TAF6: variants seen among roughly 807,000 people sequenced by gnomAD.
The protein encoded by TAF6 is TATA-box binding protein associated factor 6.
TAF6 carries 50 observed loss-of-function variants against 73.5 expected under a neutral mutation model. The ratio of observed to expected loss-of-function variants is 0.68; its 90% CI spans 0.54 to 0.86. The LOEUF (loss-of-function observed/expected upper bound fraction) is 0.86, where lower values mean the gene tolerates loss of function less well. Among genes scored for constraint, TAF6 ranks in the 40% least tolerant of loss-of-function variants. TAF6 has a pLI of 0.00. For synonymous variants in TAF6, 424 were observed against 376.7 expected, an observed-to-expected ratio of 1.13 and a Z score of -1.45; for missense variants, 768 against 899.5, an observed-to-expected ratio of 0.85 and a Z score of 1.87.
chr7:100,114,584 G>C (rs989004754), intron 1 of TAF6: 3 of 566,784 alleles, frequency 5.3e-6, no homozygotes, highest in Non-Finnish European at 9.4e-6. Flanking sequence ...GCAGGGCGTG[G>C]TAGTGCACAC....
chr7:100,124,886 T>C, the TAF6 span: 16 of 1,588,526 alleles, frequency 1.0e-5, no homozygotes, highest in Admixed American at 2.3e-4. Flanking sequence ...AGAAGATCTT[T>C]GACCCTTGCC....
chr7:100,107,204 A>ACGTGTGTACG lies in TAF6; in HGVS notation c.*41_*42insCGTACACACG, dbSNP rs1562915554. ...CATGTGTGTACGTGCACGTGTGTAC[A>ACGTGTGTACG]TGTCTGCATGTGTGGGAATCCGGGG... On this transcript the variant is annotated 3_prime_UTR_variant, in exon 15 of 15. Coordinates refer to ENST00000453269, the MANE Select transcript of TAF6 (RefSeq NM_139315.3). 3.3e-6 allele frequency: 5 copies of ACGTGTGTACG among 1,518,604 alleles called. No individual in the cohort carries two copies. The highest frequency in any genetic ancestry group is 4.4e-6 in the Non-Finnish European group (5 of 1,136,236). 94.1% of individuals were successfully genotyped at this position (1,518,604 alleles called of 1,614,324 possible).
chr7:100,116,546 GA>G (rs1797688341), intron 1 of TAF6: 1 of 152,000 alleles, frequency 6.6e-6, no homozygotes, highest in African/African-American at 2.4e-5. Flanking sequence ...GGCTGAGGCA[GA>G]AGAATCACTC....
intron 1 of TAF6, 82 bp from the exon 2 acceptor site, chr7:100,114,350 A>G (rs765274918): frequency 1.5e-5 from 21 of 1,378,824 alleles, no homozygotes; most frequent in Non-Finnish European, 2.0e-5. Context: ...CAGTGGAGAC[A>G]GGGGAGGAAC....
At chr7:100,110,588 G>A (rs1172159207) in intron 10 of TAF6, among the ~76,000 whole-genome samples, 1 of 152,228 alleles carries the variant, frequency 6.6e-6, no homozygotes, top group East Asian at 1.9e-4. Context: ...AAGGCAGGCA[G>A]ATCACCTGAG....
At chr7:100,121,858 G>A (rs954421943), upstream of TAF6, among the ~76,000 whole-genome samples, 12 of 150,946 alleles carry the variant, frequency 7.9e-5, no homozygotes, top group East Asian at 1.6e-3. Context: ...AGACCATCCT[G>A]GCTAACACGG....
At position 100,112,933 on chromosome 7, in the gene TAF6, G is replaced by C; in HGVS notation, c.455-16C>G. ...TCTTTGGGAGCTGGTGGGAAAGCAG[G>C]CACAGCGGGAGGGGTGATGAGCATA... is the stretch of plus-strand genomic sequence containing the variant. On this transcript the variant is annotated splice_polypyrimidine_tract_variant and intron_variant, in intron 5 of 14. Coordinates refer to ENST00000453269, the MANE Select transcript of TAF6 (RefSeq NM_139315.3). The C allele has an allele frequency of 6.2e-7, 1 of 1,608,042 alleles. No individual in the cohort carries two copies.
chr7:100,124,614 T>C (rs1231405852), upstream of TAF6: 3 of 1,613,356 alleles, frequency 1.9e-6, no homozygotes, highest in East Asian at 2.2e-5. Context: ...GGTCATGTGC[T>C]CCCAGCTGCT....
the TAF6 span, chr7:100,126,681 C>A: frequency 6.6e-6 from 1 of 152,274 alleles, no homozygotes; most frequent in Non-Finnish European, 1.5e-5. Context: ...TGGTGGTGCG[C>A]ATCTGTGGTC....
At chr7:100,119,515 A>C (rs1416151022), upstream of TAF6, 9 of 1,337,340 alleles carry the variant, frequency 6.7e-6, no homozygotes, top group African/African-American at 3.0e-5. Flanking sequence ...TAATTACTGC[A>C]ATTTATTCCT....
intron 2 of TAF6, 42 bp downstream of exon 2, chr7:100,114,012 G>A: frequency 6.2e-7 from 1 of 1,614,032 alleles, no homozygotes; most frequent in Non-Finnish European, 8.5e-7. Flanking sequence ...GGCCCTGGGT[G>A]ACATGGACCC....
At chr7:100,109,806 A>G (rs1796996410) in intron 12 of TAF6, 142 bp downstream of exon 12, 7 of 1,295,316 alleles carry the variant, frequency 5.4e-6, no homozygotes, top group South Asian at 1.5e-5. Context: ...CAGTCTTTCC[A>G]TCTGTAAAAT....
In TAF6 at chr7:100,119,259, C is replaced by G; in HGVS notation, c.-115G>C. 1 of 1,028,798 alleles carries G rather than the reference C, an allele frequency of 9.7e-7. No individual in the cohort carries two copies. Among genetic ancestry groups the G allele is most frequent in the South Asian group, 3.2e-5 (1 of 31,392 alleles). The allele number at this position is 1,028,798 out of a possible 1,614,324, so 63.7% of individuals were successfully genotyped here. A position where few individuals can be genotyped will look rare whatever the true frequency, so the allele number is the denominator to read the frequency against. ...TCAAAGGGTCTCCTCCGGGGTACCACTCAGACCCGCCCCCGCCACCCGAGC... is the reference window on the plus strand; with the variant it reads ...TCAAAGGGTCTCCTCCGGGGTACCAGTCAGACCCGCCCCCGCCACCCGAGC... On this transcript the variant is annotated 5_prime_UTR_variant, in exon 1 of 15. Transcript: ENST00000453269.
chr7:100,107,799 G>T, intron 14 of TAF6, 127 bp downstream of exon 14: 2 of 1,388,076 alleles, frequency 1.4e-6, no homozygotes, highest in Non-Finnish European at 1.9e-6. Context: ...GCAGGACCCT[G>T]GTGGGCGCCT....
chr7:100,124,381 C>T, upstream of TAF6: 1 of 669,638 alleles, frequency 1.5e-6, no homozygotes, highest in Non-Finnish European at 2.7e-6. Context: ...GAGGATTGCA[C>T]ATCTAGTAGG....
chr7:100,125,183 C>T, the TAF6 span: 1 of 322,090 alleles, frequency 3.1e-6, no homozygotes, highest in Non-Finnish European at 5.7e-6. Flanking sequence ...GATCCCACCC[C>T]CACCCAAAAG....
chr7:100,107,604 G>A lies in TAF6; in HGVS notation c.1676C>T (p.Ser559Leu), dbSNP rs149274262. The change falls in exon 15 of 15, where the codon TCG (serine) becomes TTG (leucine). Residue 559 changes from serine (S) to leucine (L), a missense_variant. Around this residue, in one of 5 missense-constraint regions of TAF6, gnomAD observed 350 missense variants for 352.3 expected, o/e 0.99. Coordinates refer to ENST00000453269, the MANE Select transcript of TAF6 (RefSeq NM_139315.3). ...STQQVLSLST[S>L]APGSGSTTTS... ...GGTGGTGGAACCTGAGCCGGGGGCC[G>A]AGGTGCTGAGGGACAGGACCTGGAT... The A allele has an allele frequency of 3.5e-5, 56 of 1,613,098 alleles. No homozygotes were observed. Among genetic ancestry groups the A allele is most frequent in the Non-Finnish European group, 4.1e-5 (48 of 1,179,782 alleles).
chr7:100,119,690 A>T, upstream of TAF6: 1 of 1,613,694 alleles, frequency 6.2e-7, no homozygotes, highest in Non-Finnish European at 8.5e-7. Flanking sequence ...AGGGACCCAC[A>T]CTACCTTCCC....
upstream of TAF6, chr7:100,120,078 C>G: frequency 2.2e-6 from 1 of 458,842 alleles, no homozygotes. Flanking sequence ...TTTTGGCTGG[C>G]TTGGAACCCC....
Sources: gnomAD v4.1 joint callset for allele counts (sites outside exome capture counted in the v4.1 genomes callset) on GRCh38, gnomAD v4.1.1 for gene constraint, gnomAD v4.1.1 regional missense constraint, MANE v1.5 for transcripts, NCBI Gene and HGNC (gene_info 2026-07-23, HGNC 2026-07-21) for gene names.